AGBL1: variants seen among roughly 807,000 people sequenced by gnomAD.
AGBL1 encodes cytosolic carboxypeptidase 4.
In AGBL1, 130 loss-of-function variants were observed where a neutral mutation model predicts 118.9. That is an observed-to-expected ratio of 1.09 (90% confidence interval 0.95 to 1.26). The LOEUF is 1.26. AGBL1 is among the 50% of genes most tolerant of loss of function. AGBL1 has a pLI of 0.00. For synonymous variants in AGBL1, 555 were observed against 478.9 expected (o/e 1.16, Z -2.08); for missense variants, 1,584 against 1,298.1 (o/e 1.22, Z -3.38).
intron 1 of AGBL1, among the ~76,000 whole-genome samples, chr15:86,085,064 T>G (rs1247716432): frequency 6.6e-6 from 1 of 152,208 alleles, no homozygotes; most frequent in Non-Finnish European, 1.5e-5. Context: ...GTCACTGCCT[T>G]CATGAAAATG....
At chr15:86,849,517 C>CTTTCTTT (rs1555456693) in intron 22 of AGBL1, among the ~76,000 whole-genome samples, 13 of 136,798 alleles carry the variant, frequency 9.5e-5, no homozygotes, top group Non-Finnish European at 1.4e-4. Flanking sequence ...TTCTTTCTTT[C>CTTTCTTT]TTTTTTTTTT....
At chr15:86,663,150 C>G (rs75577315) in intron 21 of AGBL1, among the ~76,000 whole-genome samples, 1,817 of 152,234 alleles carry the variant, frequency 0.012, 26 homozygotes, top group East Asian at 0.076. Context: ...AGTGAATCCC[C>G]TACCCACTAC....
At chr15:86,394,696 C>A (rs187574013) in intron 17 of AGBL1, among the ~76,000 whole-genome samples, 1 of 152,274 alleles carries the variant, frequency 6.6e-6, no homozygotes, top group Non-Finnish European at 1.5e-5. Context: ...CTTTGATTCT[C>A]AAGTTGGCTT....
intron 21 of AGBL1, among the ~76,000 whole-genome samples, chr15:86,657,181 C>T (rs961068960): frequency 6.6e-6 from 1 of 152,152 alleles, no homozygotes; most frequent in Non-Finnish European, 1.5e-5. Context: ...AGCCTTTGCT[C>T]TGTTCCTCCA....
At chr15:86,571,900 G>A (rs2084014134) in intron 21 of AGBL1, among the ~76,000 whole-genome samples, 1 of 152,084 alleles carries the variant, frequency 6.6e-6, no homozygotes, top group African/African-American at 2.4e-5. Flanking sequence ...GCCTCCTGCC[G>A]CTGTTCTCCA....
chr15:86,107,979 G>A (rs776935329), intron 1 of AGBL1, among the ~76,000 whole-genome samples: 3 of 152,174 alleles, frequency 2.0e-5, no homozygotes, highest in Non-Finnish European at 4.4e-5. Flanking sequence ...ACCAATTCAT[G>A]CATAGGGAGA....
intron 21 of AGBL1, among the ~76,000 whole-genome samples, chr15:86,588,758 C>T (rs1459706163): frequency 1.3e-5 from 2 of 152,136 alleles, no homozygotes; most frequent in African/African-American, 2.4e-5. Flanking sequence ...TTAAACCTGA[C>T]CCTATGAGGA....
At chr15:86,303,341 G>A (rs140980963) in intron 17 of AGBL1, among the ~76,000 whole-genome samples, 57 of 152,236 alleles carry the variant, frequency 3.7e-4, no homozygotes, top group Non-Finnish European at 6.0e-4. Context: ...ATAGGTCTAG[G>A]GAAATGGGAG....
chr15:86,318,037 T>C (rs2080043382), intron 17 of AGBL1, among the ~76,000 whole-genome samples: 1 of 152,150 alleles, frequency 6.6e-6, no homozygotes, highest in Non-Finnish European at 1.5e-5. Context: ...ACAAACTTGA[T>C]TGTGAATCTG....
intron 24 of AGBL1, among the ~76,000 whole-genome samples, chr15:86,998,993 C>T (rs935952776): frequency 6.6e-6 from 1 of 150,870 alleles, no homozygotes; most frequent in Non-Finnish European, 1.5e-5. Flanking sequence ...GGTGTATCTA[C>T]TAATGCTATC....
chr15:86,225,258 C>A (rs2078343973), intron 6 of AGBL1, among the ~76,000 whole-genome samples: 1 of 151,436 alleles, frequency 6.6e-6, no homozygotes, highest in Non-Finnish European at 1.5e-5. Context: ...GCTGATGGAC[C>A]CTCCACCCCT....
intron 22 of AGBL1, among the ~76,000 whole-genome samples, chr15:86,791,125 G>T (rs1230752191): frequency 6.6e-6 from 1 of 152,120 alleles, no homozygotes; most frequent in African/African-American, 2.4e-5. Flanking sequence ...GAAAACACAC[G>T]AACGTAAAAT....
intron 1 of AGBL1, among the ~76,000 whole-genome samples, chr15:86,080,905 G>A (rs1437940774): frequency 6.6e-6 from 1 of 151,992 alleles, no homozygotes; most frequent in African/African-American, 2.4e-5. Context: ...GGAAGTTCCT[G>A]GAAGGGGTCA....
At chr15:86,082,731 C>T (rs538205213) in intron 1 of AGBL1, among the ~76,000 whole-genome samples, 50 of 152,354 alleles carry the variant, frequency 3.3e-4, no homozygotes, top group African/African-American at 1.2e-3. Flanking sequence ...GCTTCTTTAT[C>T]TCTGTCCCGA....
At chr15:86,273,175 T>G (rs1263438164) in intron 15 of AGBL1, among the ~76,000 whole-genome samples, 1 of 152,120 alleles carries the variant, frequency 6.6e-6, no homozygotes, top group Non-Finnish European at 1.5e-5. Flanking sequence ...CCTCTTGGAA[T>G]TGGGGAGTAA....
chr15:86,553,357 G>C (rs189085719), intron 20 of AGBL1, among the ~76,000 whole-genome samples: 168 of 152,206 alleles, frequency 1.1e-3, no homozygotes, highest in African/African-American at 3.9e-3. Context: ...CTGTCAATCA[G>C]GGTGTCAAGT....
intron 20 of AGBL1, among the ~76,000 whole-genome samples, chr15:86,553,379 C>T (rs921144045): frequency 1.3e-5 from 2 of 151,994 alleles, no homozygotes; most frequent in African/African-American, 4.8e-5. Flanking sequence ...TCTAGAGATG[C>T]CTTCTAAATG....
intron 22 of AGBL1, among the ~76,000 whole-genome samples, chr15:86,754,525 T>C (rs2077905182): frequency 6.6e-6 from 1 of 152,028 alleles, no homozygotes; most frequent in Non-Finnish European, 1.5e-5. Flanking sequence ...ACATGTCAAC[T>C]CTTTTGTGTC....
chr15:86,635,864 C>G (rs2085073404), intron 21 of AGBL1, among the ~76,000 whole-genome samples: 2 of 152,142 alleles, frequency 1.3e-5, no homozygotes, highest in Admixed American at 6.5e-5. Context: ...TGCCAACTGC[C>G]AAAGGAGTTA....
Sources: allele counts gnomAD v4.1 joint callset (sites outside exome capture counted in the v4.1 genomes callset), GRCh38; gene constraint gnomAD v4.1.1; transcripts MANE v1.5; gene names NCBI Gene and HGNC (gene_info 2026-07-23, HGNC 2026-07-21).